Variants in PECAM1 observed in about 807,000 individuals in gnomAD.
The protein encoded by PECAM1 is platelet endothelial cell adhesion molecule.
In PECAM1, 8 loss-of-function variants were observed where a neutral mutation model predicts 13.8. That is an observed-to-expected ratio of 0.58 (90% confidence interval 0.34 to 1.05). PECAM1 has a LOEUF of 1.05. PECAM1 is among the 50% of genes least tolerant of loss of function. The pLI is 0.03. For synonymous variants in PECAM1, 136 were observed against 52.6 expected (o/e 2.58, Z -6.86); for missense variants, 304 against 141.2 (o/e 2.15, Z -5.84).
intron 14 of PECAM1, among the ~76,000 whole-genome samples, chr17:64,333,513 C>T (rs1395362551): frequency 1.3e-5 from 2 of 151,998 alleles, no homozygotes; most frequent in Non-Finnish European, 2.9e-5. Context: ...GTATCCCTGG[C>T]CTCTCTCCAC....
chr17:64,347,791 C>T (rs1026200326), intron 13 of PECAM1, among the ~76,000 whole-genome samples: 6 of 148,136 alleles, frequency 4.1e-5, no homozygotes, highest in Admixed American at 6.8e-5. Flanking sequence ...AATGCAGTGG[C>T]GCAATCTCAG....
chr17:64,360,691 A>G (rs2035953059), intron 6 of PECAM1, among the ~76,000 whole-genome samples: 1 of 151,558 alleles, frequency 6.6e-6, no homozygotes, highest in East Asian at 1.9e-4. Flanking sequence ...AAAACATTAC[A>G]TCCCCAGAAA....
chr17:64,360,502 C>G (rs1034787706), intron 6 of PECAM1, 87 bp from the exon 7 acceptor site: 3 of 428,398 alleles, frequency 7.0e-6, no homozygotes, highest in Non-Finnish European at 1.3e-5. Context: ...AAAGCCTGAG[C>G]TTTGCTTTCT....
Position 64,323,445 on chromosome 17 carries a change from A to G in PECAM1, c.*371T>C. On this transcript the variant is annotated 3_prime_UTR_variant, in exon 16 of 16. Coordinates refer to ENST00000563924, the MANE Select transcript of PECAM1 (RefSeq NM_000442.5). ...AGAAATGATTGAGTATAAAAAAGAA[A>G]ATTGGTTTCTGTGTATGAGGGTGCA... 1 of 1,163,530 alleles carries G rather than the reference A, an allele frequency of 8.6e-7. No individual in the cohort carries two copies. The highest frequency in any genetic ancestry group is 1.1e-6 in the Non-Finnish European group (1 of 936,690). The allele number at this position is 1,163,530 out of a possible 1,614,324, so 72.1% of individuals were successfully genotyped here.
intron 13 of PECAM1, among the ~76,000 whole-genome samples, chr17:64,343,647 T>A (rs2143741669): frequency 6.6e-6 from 1 of 152,194 alleles, no homozygotes; most frequent in African/African-American, 2.4e-5. Context: ...GTGGGTCAGA[T>A]CCCTACAGTT....
Position 64,390,802 on chromosome 17 carries a change from C to T in PECAM1, c.-137G>A, listed in dbSNP as rs1487493316. ...AAATTGCTCTGGTCACTTCTCCCGG[C>T]GCCTGCAGAGAGACCGGCTGTGGCG... On this transcript the variant is annotated 5_prime_UTR_variant, in exon 1 of 16. Coordinates refer to ENST00000563924, the MANE Select transcript of PECAM1 (RefSeq NM_000442.5). The T allele has an allele frequency of 2.3e-5, 9 of 397,862 alleles. No homozygotes were observed. Among genetic ancestry groups the T allele is most frequent in the Admixed American group, 4.4e-5 (1 of 22,698 alleles). 24.6% of individuals were successfully genotyped at this position (397,862 alleles called of 1,614,324 possible). A position where few individuals can be genotyped will look rare whatever the true frequency, so the allele number is the denominator to read the frequency against.
At chr17:64,345,711 TAAAA>T (rs34143232) in intron 13 of PECAM1, among the ~76,000 whole-genome samples, 8,716 of 81,522 alleles carry the variant, frequency 0.11, 930 homozygotes, top group African/African-American at 0.29. Context: ...AAGACTGTCA[TAAAA>T]AAAAAAAAAA....
intron 14 of PECAM1, among the ~76,000 whole-genome samples, chr17:64,330,632 T>C (rs1230660939): frequency 2.8e-5 from 4 of 142,582 alleles, no homozygotes; most frequent in Non-Finnish European, 6.1e-5. Context: ...CAAGACTCCA[T>C]CTCAAAAAAA....
intron 4 of PECAM1, 51 bp from the exon 5 acceptor site, chr17:64,370,076 G>A (rs2036206199): frequency 2.5e-6 from 1 of 398,432 alleles, no homozygotes. Flanking sequence ...ACCTGGGCAA[G>A]AGGAGCCTCT....
intron 4 of PECAM1, among the ~76,000 whole-genome samples, chr17:64,371,057 T>TTAA (rs1168793675): frequency 6.6e-6 from 1 of 152,218 alleles, no homozygotes; most frequent in African/African-American, 2.4e-5. Flanking sequence ...CTGGGGAACC[T>TTAA]TAATAATAGC....
chr17:64,337,021 G>C (rs1395801620), intron 14 of PECAM1, among the ~76,000 whole-genome samples: 6 of 152,024 alleles, frequency 3.9e-5, no homozygotes, highest in African/African-American at 1.2e-4. Flanking sequence ...GAGAGAAAGA[G>C]AGAAAGAAAA....
chr17:64,377,784 T>C (rs1280136261), intron 3 of PECAM1, 40 bp downstream of exon 3: 4 of 474,490 alleles, frequency 8.4e-6, no homozygotes, highest in Non-Finnish European at 1.5e-5. Context: ...CTGTGTGCTA[T>C]GCTCCATCTG....
intron 15 of PECAM1, among the ~76,000 whole-genome samples, chr17:64,326,160 G>T (rs1428860539): frequency 6.6e-6 from 1 of 152,146 alleles, no homozygotes; most frequent in African/African-American, 2.4e-5. Flanking sequence ...GAGTAGAGGG[G>T]GGCCCTGGGC....
intron 2 of PECAM1, among the ~76,000 whole-genome samples, chr17:64,387,338 G>C (rs1385725556): frequency 1.3e-5 from 2 of 152,104 alleles, no homozygotes; most frequent in African/African-American, 4.8e-5. Flanking sequence ...GAGAGGTGAG[G>C]TGGGTAGGCA....
At chr17:64,372,378 C>G (rs1364403764) in intron 4 of PECAM1, among the ~76,000 whole-genome samples, 2 of 152,016 alleles carry the variant, frequency 1.3e-5, no homozygotes, top group African/African-American at 2.4e-5. Context: ...TTGGCAACAT[C>G]GAGCCAGGCA....
intron 14 of PECAM1, among the ~76,000 whole-genome samples, chr17:64,336,824 C>T (rs1414923029): frequency 5.3e-5 from 8 of 151,366 alleles, no homozygotes; most frequent in African/African-American, 1.9e-4. Context: ...TGCCACTGCA[C>T]TCCAGCCTGG....
At chr17:64,372,377 T>C (rs1037634802) in intron 4 of PECAM1, among the ~76,000 whole-genome samples, 1 of 152,222 alleles carries the variant, frequency 6.6e-6, no homozygotes, top group Non-Finnish European at 1.5e-5. Flanking sequence ...TTTGGCAACA[T>C]CGAGCCAGGC....
chr17:64,341,795 C>T, intron 13 of PECAM1, 105 bp from the exon 14 acceptor site: 1 of 404,534 alleles, frequency 2.5e-6, no homozygotes. Flanking sequence ...GGCTGTACCC[C>T]ACCACTGCAC....
Position 64,372,395 on chromosome 17 carries a change from G to A in PECAM1, c.692-2370C>T, listed in dbSNP as rs931804408. On this transcript the variant is annotated intron_variant, in intron 4 of 15. Coordinates refer to ENST00000563924, the MANE Select transcript of PECAM1 (RefSeq NM_000442.5). Reference sequence around the variant, plus strand: ...GGCAACATCGAGCCAGGCACAGTCAGCCAAACCTTTTATAAATTAAAGGAA... The same window carrying A: ...GGCAACATCGAGCCAGGCACAGTCAACCAAACCTTTTATAAATTAAAGGAA... 2.5e-3 allele frequency among the ~76,000 whole-genome samples: 377 copies of A among 152,286 alleles called. 1 individual carries two copies. Among genetic ancestry groups the A allele is most frequent in the African/African-American group, 8.4e-3 (350 of 41,566 alleles).
Sources: allele counts gnomAD v4.1 joint callset (sites outside exome capture counted in the v4.1 genomes callset), GRCh38; gene constraint gnomAD v4.1.1; transcripts MANE v1.5; gene names NCBI Gene and HGNC (gene_info 2026-07-23, HGNC 2026-07-21).